The following NSUN6 variants were observed in gnomAD, a reference collection of about 807,000 sequenced individuals.
NSUN6 encodes tRNA (cytosine(72)-C(5))-methyltransferase NSUN6.
A neutral mutation model predicts 58.0 loss-of-function variants in NSUN6; 64 were observed. The observed-to-expected ratio is 1.10, with a 90% CI of 0.90 to 1.36. The LOEUF is 1.36. NSUN6 is among the 40% of genes most tolerant of loss of function. The pLI is 0.00. For missense variants in NSUN6, 701 were observed against 550.1 expected, an observed-to-expected ratio of 1.27 and a Z score of -2.74; for synonymous variants, 231 against 193.9, an observed-to-expected ratio of 1.19 and a Z score of -1.59.
chr10:18,600,959 T>TATATATATATATATATATACATAC lies in NSUN6; in HGVS notation c.658-4633_658-4632insGTATGTATATATATATATATATAT. On this transcript the variant is annotated intron_variant, in intron 6 of 10. Transcript: ENST00000377304. ...AAAAAAAAATATATATATATATATA[T>TATATATATATATATATATACATAC]ACATATATATATATATATGTATATA... Among the ~76,000 whole-genome samples, 21 of 64,948 alleles carry TATATATATATATATATATACATAC rather than the reference T, an allele frequency of 3.2e-4. 1 individual carries two copies. The East Asian group carries it at 0.016, about 49-fold the overall frequency. 42.6% of individuals were successfully genotyped at this position (64,948 alleles called of 152,430 possible). A position where few individuals can be genotyped will look rare whatever the true frequency, so the allele number is the denominator to read the frequency against.
At chr10:18,587,361 G>A (rs2057197576) in intron 7 of NSUN6, among the ~76,000 whole-genome samples, 1 of 152,048 alleles carries the variant, frequency 6.6e-6, no homozygotes. Context: ...ACCAAAACTG[G>A]AAAAATATAA....
chr10:18,605,817 G>C (rs1179538837), intron 6 of NSUN6, among the ~76,000 whole-genome samples: 1 of 152,158 alleles, frequency 6.6e-6, no homozygotes, highest in African/African-American at 2.4e-5. Flanking sequence ...ATTCTAGCAA[G>C]TTTTCTTATG....
intron 7 of NSUN6, among the ~76,000 whole-genome samples, chr10:18,593,890 A>G (rs931530506): frequency 1.3e-5 from 2 of 150,900 alleles, no homozygotes. Context: ...AAAAAAAAAA[A>G]GGGCCAAAAT....
intron 8 of NSUN6, among the ~76,000 whole-genome samples, chr10:18,573,249 A>G (rs2056477273): frequency 7.3e-6 from 1 of 136,058 alleles, no homozygotes. Flanking sequence ...TCTCCATTCC[A>G]TTTTCCATTG....
At position 18,595,251 on chromosome 10, in the gene NSUN6, A is replaced by T. The variant is rs572823605; in HGVS notation, c.777+957T>A. ...CCAAAATGTTTAGTTGTATGCCGCC[A>T]AAATTTTGTGTCTTCACACATCATA... On this transcript the variant is annotated intron_variant, in intron 7 of 10. Transcript: ENST00000377304. 1.1e-4 allele frequency among the ~76,000 whole-genome samples: 17 copies of T among 152,330 alleles called. No individual in the cohort carries two copies. The South Asian group carries it at 3.5e-3, about 32-fold the overall frequency.
intron 6 of NSUN6, among the ~76,000 whole-genome samples, chr10:18,601,768 G>C (rs754504089): frequency 2.6e-5 from 4 of 151,956 alleles, no homozygotes; most frequent in Non-Finnish European, 5.9e-5. Flanking sequence ...AGATCACCAG[G>C]TCAGGAGTTC....
chr10:18,633,271 G>A (rs192750233), intron 3 of NSUN6, among the ~76,000 whole-genome samples: 33 of 147,078 alleles, frequency 2.2e-4, no homozygotes, highest in Admixed American at 4.8e-4. Flanking sequence ...TGGTGGGAGC[G>A]GGGAGGGGGG....
intron 3 of NSUN6, among the ~76,000 whole-genome samples, chr10:18,624,552 G>A (rs1022381312): frequency 8.7e-5 from 13 of 148,824 alleles, no homozygotes; most frequent in Non-Finnish European, 1.6e-4. Context: ...TAGGGAGGCT[G>A]AGGCAGGAGA....
chr10:18,632,562 A>G (rs1278055023), intron 3 of NSUN6, among the ~76,000 whole-genome samples: 1 of 151,452 alleles, frequency 6.6e-6, no homozygotes, highest in African/African-American at 2.4e-5. Context: ...TTTACAAGAA[A>G]AAAACAAACA....
At chr10:18,601,121 G>T (rs192813412) in intron 6 of NSUN6, among the ~76,000 whole-genome samples, 1 of 150,778 alleles carries the variant, frequency 6.6e-6, no homozygotes, top group Non-Finnish European at 1.5e-5. Flanking sequence ...TCAAGAAACC[G>T]TATCAGTTTT....
intron 6 of NSUN6, among the ~76,000 whole-genome samples, chr10:18,596,922 C>T (rs1486306138): frequency 6.6e-6 from 1 of 152,082 alleles, no homozygotes; most frequent in Non-Finnish European, 1.5e-5. Flanking sequence ...TATAACTTTG[C>T]CATTTTGGCC....
chr10:18,598,757 T>C (rs540977388), intron 6 of NSUN6, among the ~76,000 whole-genome samples: 15 of 152,318 alleles, frequency 9.8e-5, no homozygotes, highest in African/African-American at 3.6e-4. Context: ...TGAGCCAGTA[T>C]ACCTGGCAGC....
At chr10:18,590,035 C>G (rs1445918383) in intron 7 of NSUN6, among the ~76,000 whole-genome samples, 4 of 151,838 alleles carry the variant, frequency 2.6e-5, no homozygotes, top group Non-Finnish European at 4.4e-5. Context: ...AAGACACACA[C>G]AGGCTCAAAA....
At chr10:18,591,822 C>T (rs1037229272) in intron 7 of NSUN6, among the ~76,000 whole-genome samples, 18 of 152,250 alleles carry the variant, frequency 1.2e-4, no homozygotes, top group Admixed American at 3.3e-4. Flanking sequence ...CAAGGATGCC[C>T]CCTCTCACCA....
At chr10:18,568,160 A>C (rs1028245696) in intron 8 of NSUN6, among the ~76,000 whole-genome samples, 1 of 150,374 alleles carries the variant, frequency 6.7e-6, no homozygotes, top group African/African-American at 2.4e-5. Flanking sequence ...TCCATTCTCC[A>C]TTCCATTATC....
chr10:18,654,019 G>C (rs1007823321), upstream of NSUN6, among the ~76,000 whole-genome samples: 3 of 152,152 alleles, frequency 2.0e-5, no homozygotes, highest in Non-Finnish European at 4.4e-5. Context: ...CATGGTAAGG[G>C]TATGGGAGAA....
chr10:18,609,021 G>A (rs2058137335), intron 6 of NSUN6, among the ~76,000 whole-genome samples: 1 of 152,082 alleles, frequency 6.6e-6, no homozygotes, highest in Admixed American at 6.6e-5. Flanking sequence ...CTAAATACTG[G>A]GCAAAGGCCA....
At chr10:18,606,047 AG>A (rs1361057733) in intron 6 of NSUN6, among the ~76,000 whole-genome samples, 1 of 152,178 alleles carries the variant, frequency 6.6e-6, no homozygotes, top group Non-Finnish European at 1.5e-5. Flanking sequence ...AAGGCCTAAA[AG>A]GGTTCAGCAC....
At chr10:18,577,571 C>G (rs2056712874) in intron 8 of NSUN6, among the ~76,000 whole-genome samples, 1 of 152,072 alleles carries the variant, frequency 6.6e-6, no homozygotes, top group Non-Finnish European at 1.5e-5. Context: ...TTTGGAAAAT[C>G]AAGCAGAACA....
Sources: gnomAD v4.1 joint callset for allele counts (sites outside exome capture counted in the v4.1 genomes callset) on GRCh38, gnomAD v4.1.1 for gene constraint, MANE v1.5 for transcripts, NCBI Gene and HGNC (gene_info 2026-07-23, HGNC 2026-07-21) for gene names.